PPARGC1A: variants seen among roughly 807,000 people sequenced by gnomAD.
PPARGC1A encodes the protein PPARG coactivator 1 alpha.
Under a neutral mutation model 88.7 loss-of-function variants are expected in PPARGC1A, and 25 were observed. That is an observed-to-expected ratio of 0.28 (90% CI 0.21 to 0.39). The LOEUF (loss-of-function observed/expected upper bound fraction) is 0.39, where lower values mean the gene tolerates loss of function less well. Ranked by LOEUF, PPARGC1A falls within the 10% of genes least tolerant of loss-of-function variation. The pLI is 1.00. For missense variants in PPARGC1A, 880 were observed against 968.7 expected, an observed-to-expected ratio of 0.91 and a Z score of 1.22; for synonymous variants, 363 against 355.6, an observed-to-expected ratio of 1.02 and a Z score of -0.24.
At chr4:24,202,814 C>A in the PPARGC1A span, among the ~76,000 whole-genome samples, 8 of 152,270 alleles carry the variant, frequency 5.3e-5, no homozygotes, top group African/African-American at 1.9e-4. Context: ...GCAACATGAA[C>A]TCTCCTTATC....
At chr4:23,926,237 AC>A in the PPARGC1A span, among the ~76,000 whole-genome samples, 8 of 152,048 alleles carry the variant, frequency 5.3e-5, no homozygotes, top group African/African-American at 1.9e-4. Flanking sequence ...GGTACTCACC[AC>A]CAACATCTTG....
chr4:23,955,636 G>A, the PPARGC1A span, among the ~76,000 whole-genome samples: 1 of 152,000 alleles, frequency 6.6e-6, no homozygotes, highest in African/African-American at 2.4e-5. Flanking sequence ...GCTATAACAC[G>A]ATCATTTATT....
At chr4:24,441,852 G>A in the PPARGC1A span, among the ~76,000 whole-genome samples, 1 of 152,356 alleles carries the variant, frequency 6.6e-6, no homozygotes, top group African/African-American at 2.4e-5. Flanking sequence ...ATGGTTCTTA[G>A]CTCAAGAGCA....
chr4:24,359,939 C>T, the PPARGC1A span, among the ~76,000 whole-genome samples: 428 of 152,196 alleles, frequency 2.8e-3, 1 homozygote, highest in Non-Finnish European at 5.0e-3. Flanking sequence ...TACAGCAGCC[C>T]GAGGAAACTA....
the PPARGC1A span, among the ~76,000 whole-genome samples, chr4:24,359,849 G>C: frequency 6.6e-6 from 1 of 152,158 alleles, no homozygotes; most frequent in South Asian, 2.1e-4. Context: ...CAATACCTTA[G>C]TTTGGAACAG....
chr4:24,302,661 G>T, the PPARGC1A span, among the ~76,000 whole-genome samples: 1 of 152,202 alleles, frequency 6.6e-6, no homozygotes, highest in Non-Finnish European at 1.5e-5. Flanking sequence ...AGCGAGTCAG[G>T]GGCCAGGCAG....
the PPARGC1A span, among the ~76,000 whole-genome samples, chr4:24,248,981 C>T: frequency 3.3e-5 from 5 of 152,104 alleles, no homozygotes. Flanking sequence ...ATTTATCAAA[C>T]GTTATTGATA....
chr4:23,882,087 A>C (rs1170636130), intron 2 of PPARGC1A: 1 of 152,250 alleles, frequency 6.6e-6, no homozygotes, highest in Non-Finnish European at 1.5e-5. Flanking sequence ...CATGCCATGC[A>C]AATACTCCTG....
chr4:24,462,014 C>T, the PPARGC1A span, among the ~76,000 whole-genome samples: 1 of 152,202 alleles, frequency 6.6e-6, no homozygotes, highest in Admixed American at 6.5e-5. Flanking sequence ...ACTTGTAACA[C>T]ACATTCATGT....
chr4:24,438,432 AT>A, the PPARGC1A span, among the ~76,000 whole-genome samples: 1 of 152,206 alleles, frequency 6.6e-6, no homozygotes, highest in East Asian at 1.9e-4. Context: ...ATTATCCAAA[AT>A]TTGAGTCTCC....
chr4:24,332,053 A>C, the PPARGC1A span, among the ~76,000 whole-genome samples: 22 of 151,958 alleles, frequency 1.4e-4, no homozygotes, highest in Middle Eastern at 0.01. Context: ...AGTAGTCTAC[A>C]TGCTGCTTTG....
intron 2 of PPARGC1A, among the ~76,000 whole-genome samples, chr4:23,875,509 G>A (rs1441009945): frequency 6.6e-6 from 1 of 151,694 alleles, no homozygotes; most frequent in African/African-American, 2.4e-5. Flanking sequence ...CAACCTACGA[G>A]ATAACATAAT....
the PPARGC1A span, among the ~76,000 whole-genome samples, chr4:24,412,115 A>G: frequency 6.0e-4 from 92 of 152,242 alleles, no homozygotes; most frequent in African/African-American, 2.1e-3. Context: ...TGGCTGTACC[A>G]TTTTGCATTC....
chr4:24,276,864 G>T, the PPARGC1A span, among the ~76,000 whole-genome samples: 1 of 152,148 alleles, frequency 6.6e-6, no homozygotes, highest in South Asian at 2.1e-4. Flanking sequence ...AGTAGACCCA[G>T]TCCTGCACAG....
At chr4:24,042,036 C>T in the PPARGC1A span, among the ~76,000 whole-genome samples, 5 of 152,214 alleles carry the variant, frequency 3.3e-5, no homozygotes, top group East Asian at 3.9e-4. Context: ...CACATATACA[C>T]TCAGAATGTG....
chr4:24,169,429 T>C, the PPARGC1A span, among the ~76,000 whole-genome samples: 1 of 152,134 alleles, frequency 6.6e-6, no homozygotes, highest in Non-Finnish European at 1.5e-5. Flanking sequence ...AACTATCAGT[T>C]CACTAATTGT....
At chr4:23,805,493 T>C (rs1044458852) in intron 10 of PPARGC1A, among the ~76,000 whole-genome samples, 1 of 152,176 alleles carries the variant, frequency 6.6e-6, no homozygotes, top group Non-Finnish European at 1.5e-5. Flanking sequence ...TCCATGTAGA[T>C]TGTATGTCTC....
the PPARGC1A span, among the ~76,000 whole-genome samples, chr4:24,190,456 A>T: frequency 6.6e-6 from 1 of 152,192 alleles, no homozygotes; most frequent in East Asian, 1.9e-4. Context: ...CGTAGCTTGC[A>T]GTGAGCCGAG....
chr4:24,050,875 C>G, the PPARGC1A span, among the ~76,000 whole-genome samples: 11 of 152,160 alleles, frequency 7.2e-5, no homozygotes, highest in East Asian at 2.1e-3. Flanking sequence ...TATTTAGAAC[C>G]TAACCTTCCC....
Sources: allele counts gnomAD v4.1 joint callset (sites outside exome capture counted in the v4.1 genomes callset), GRCh38; gene constraint gnomAD v4.1.1; transcripts MANE v1.5; gene names NCBI Gene and HGNC (gene_info 2026-07-23, HGNC 2026-07-21).